Variants in ARSJ observed in about 807,000 individuals in gnomAD.
ARSJ encodes arylsulfatase J.
In ARSJ, 26 loss-of-function variants were observed where a neutral mutation model predicts 35.9. The ratio of observed to expected loss-of-function variants is 0.72; its 90% CI spans 0.53 to 1.00. The LOEUF is 1.00. Ranked by LOEUF, ARSJ falls within the 50% of genes least tolerant of loss-of-function variation. The pLI is 0.00. For missense variants in ARSJ, 667 were observed against 723.6 expected (o/e 0.92, Z 0.90); for synonymous variants, 294 against 267.6 (o/e 1.10, Z -0.96).
intron 1 of ARSJ, among the ~76,000 whole-genome samples, chr4:113,933,251 TG>T (rs753932339): frequency 2.6e-5 from 4 of 151,884 alleles, no homozygotes; most frequent in Non-Finnish European, 4.4e-5. Flanking sequence ...ATGGCTTCAC[TG>T]GTGAATTTTA....
At chr4:113,928,768 T>C (rs1724240369) in intron 1 of ARSJ, among the ~76,000 whole-genome samples, 1 of 152,166 alleles carries the variant, frequency 6.6e-6, no homozygotes, top group African/African-American at 2.4e-5. Flanking sequence ...ACAGGGCTCT[T>C]CAAAGATGCA....
chr4:113,906,441 A>G (rs1435399294), intron 1 of ARSJ, among the ~76,000 whole-genome samples: 2 of 152,234 alleles, frequency 1.3e-5, no homozygotes, highest in East Asian at 3.8e-4. Flanking sequence ...GTTCAGAGCT[A>G]CTAATCAACT....
intron 1 of ARSJ, among the ~76,000 whole-genome samples, chr4:113,967,077 T>A (rs1726940567): frequency 6.6e-6 from 1 of 152,080 alleles, no homozygotes; most frequent in South Asian, 2.1e-4. Context: ...ATAGAGAAAT[T>A]TTATTATGGA....
At chr4:113,940,260 C>G (rs1725062427) in intron 1 of ARSJ, among the ~76,000 whole-genome samples, 1 of 152,104 alleles carries the variant, frequency 6.6e-6, no homozygotes, top group Non-Finnish European at 1.5e-5. Context: ...CAATGATAGA[C>G]TGGATAAAGA....
rs769164554 is a variant in ARSJ at position 113,902,417 on chromosome 4, G to A, written c.1657C>T (p.Pro553Ser). 3.1e-6 allele frequency: 5 copies of A among 1,613,474 alleles called. No individual in the cohort carries two copies. Among genetic ancestry groups the A allele is most frequent in the Middle Eastern group, 1.6e-4 (1 of 6,084 alleles). The change falls in exon 2 of 2, where the codon CCA becomes TCA. Residue 553 changes from proline to serine, a missense_variant. Transcript: ENST00000315366. ...NPRLNGGVWG[P>S]WYKEETKKKK... is the part of the protein sequence containing the mutation. The stretch of plus-strand genomic sequence containing the variant: ...TTCTTGGTTTCCTCTTTATACCATG[G>A]TCCCCAGACCCCTCCATTGAGCCTA...
At chr4:113,913,172 CA>C (rs1292589855) in intron 1 of ARSJ, among the ~76,000 whole-genome samples, 1 of 152,048 alleles carries the variant, frequency 6.6e-6, no homozygotes, top group Non-Finnish European at 1.5e-5. Context: ...GGAAACTTGT[CA>C]AGTAACTTTT....
At chr4:113,977,264 A>G (rs1727643240) in intron 1 of ARSJ, among the ~76,000 whole-genome samples, 1 of 152,210 alleles carries the variant, frequency 6.6e-6, no homozygotes, top group South Asian at 2.1e-4. Flanking sequence ...ACCCTGAAGT[A>G]CAGTGAGACT....
intron 1 of ARSJ, among the ~76,000 whole-genome samples, chr4:113,916,674 ACT>A (rs923003771): frequency 1.3e-5 from 2 of 151,674 alleles, no homozygotes; most frequent in Non-Finnish European, 2.9e-5. Context: ...TATCTTGCCC[ACT>A]CTCTTTCTTT....
chr4:113,939,871 T>G (rs561723431), intron 1 of ARSJ, among the ~76,000 whole-genome samples: 2 of 152,126 alleles, frequency 1.3e-5, no homozygotes, highest in Non-Finnish European at 2.9e-5. Flanking sequence ...TTTTGTAGGT[T>G]GCCTGTTCAC....
At chr4:113,967,309 G>A (rs1726956136) in intron 1 of ARSJ, among the ~76,000 whole-genome samples, 1 of 152,026 alleles carries the variant, frequency 6.6e-6, no homozygotes, top group South Asian at 2.1e-4. Context: ...TGCCCATTTG[G>A]AACAAAATTT....
chr4:113,938,201 T>C (rs1477062299), intron 1 of ARSJ, among the ~76,000 whole-genome samples: 1 of 151,932 alleles, frequency 6.6e-6, no homozygotes, highest in African/African-American at 2.4e-5. Flanking sequence ...CATAGACCAA[T>C]GGAACAGAAT....
chr4:113,902,623 C>T lies in ARSJ; in HGVS notation c.1451G>A (p.Arg484Gln), dbSNP rs761931068. The T allele has an allele frequency of 6.2e-7, 1 of 1,614,100 alleles. No individual in the cohort carries two copies. Among genetic ancestry groups the T allele is most frequent in the South Asian group, 1.1e-5 (1 of 91,080 alleles). The change falls in exon 2 of 2, where the codon CGG becomes CAG. Residue 484 changes from arginine (R) to glutamine (Q), a missense_variant. Transcript: ENST00000315366. The part of the protein sequence containing the change: ...NLGPNRWHNE[R>Q]ITLSTGKSVW... ...ACTTTTGCCAGTTGACAAGGTGATC[C>T]GTTCATTGTGCCACCGGTTCGGTCC...
intron 1 of ARSJ, among the ~76,000 whole-genome samples, chr4:113,935,777 A>G (rs1190413501): frequency 1.3e-5 from 2 of 151,956 alleles, no homozygotes; most frequent in Non-Finnish European, 2.9e-5. Flanking sequence ...TTGTGTAACC[A>G]GAAGTGGGTC....
At chr4:113,976,458 T>C (rs1045039349) in intron 1 of ARSJ, among the ~76,000 whole-genome samples, 34 of 152,290 alleles carry the variant, frequency 2.2e-4, no homozygotes, top group Admixed American at 7.8e-4. Context: ...GTGGGAGTAA[T>C]TTATATACTA....
chr4:113,926,334 C>T lies in ARSJ; in HGVS notation c.399-22659G>A, dbSNP rs527573736. ...GCCATTTCTCCTTCCATGCAAAATG[C>T]ACAACCAGGTGCACTCCTCAAATTT... is the stretch of plus-strand genomic sequence containing the variant. On this transcript the variant is annotated intron_variant, in intron 1 of 1. Transcript: ENST00000315366. Among the ~76,000 whole-genome samples, 12 of 152,272 alleles carry T rather than the reference C, an allele frequency of 7.9e-5. No homozygotes were observed. In the East Asian group the frequency reaches 9.7e-4, roughly 12 times the overall value.
At chr4:113,947,602 A>AGG in intron 1 of ARSJ, among the ~76,000 whole-genome samples, 1 of 126,250 alleles carries the variant, frequency 7.9e-6, no homozygotes, top group Non-Finnish European at 1.8e-5. Flanking sequence ...GGAGAGAGGG[A>AGG]GAGAGAGGGA....
At chr4:113,908,948 T>TC (rs2099669605) in intron 1 of ARSJ, among the ~76,000 whole-genome samples, 1 of 152,022 alleles carries the variant, frequency 6.6e-6, no homozygotes. Context: ...AGAAAAGAAT[T>TC]TTTCTAAACA....
At chr4:113,978,124 G>T (rs1187507288) in intron 1 of ARSJ, among the ~76,000 whole-genome samples, 1 of 152,296 alleles carries the variant, frequency 6.6e-6, no homozygotes, top group East Asian at 1.9e-4. Flanking sequence ...CTCAAAAGTA[G>T]AATAGATTTG....
Position 113,902,839 on chromosome 4 carries a change from C to G in ARSJ, c.1235G>C (p.Arg412Pro), listed in dbSNP as rs754834460. The change falls in exon 2 of 2, where the codon CGC becomes CCC. Residue 412 changes from arginine (R) to proline (P), a missense_variant. Transcript: ENST00000315366. The part of the protein sequence containing the change: ...DIWETISEGL[R>P]SPRVDILHNI... ...ATGCAAAATATCTACTCGGGGTGAG[C>G]GAAGACCCTCACTTATGGTCTCCCA... 2 of 1,614,046 alleles carry G rather than the reference C, an allele frequency of 1.2e-6. No homozygotes were observed. Among genetic ancestry groups the G allele is most frequent in the Admixed American group, 3.3e-5 (2 of 60,018 alleles).
Sources: gnomAD v4.1 joint callset for allele counts (sites outside exome capture counted in the v4.1 genomes callset) on GRCh38, gnomAD v4.1.1 for gene constraint, MANE v1.5 for transcripts, NCBI Gene and HGNC (gene_info 2026-07-23, HGNC 2026-07-21) for gene names.